Variants in SCAF8 observed in about 807,000 individuals in gnomAD.
The protein encoded by SCAF8 is SR-related and CTD-associated factor 8.
A neutral mutation model predicts 140.5 loss-of-function variants in SCAF8; 23 were observed. The observed-to-expected ratio is 0.16, with a 90% CI of 0.12 to 0.23. The LOEUF (loss-of-function observed/expected upper bound fraction) is 0.23, where lower values mean the gene tolerates loss of function less well. Among genes scored for constraint, SCAF8 ranks in the 10% least tolerant of loss-of-function variants. SCAF8 has a pLI of 1.00. For synonymous variants in SCAF8, 575 were observed against 528.9 expected (o/e 1.09, Z -1.20); for missense variants, 1,397 against 1,555.7 (o/e 0.90, Z 1.72).
chr6:154,739,690 G>GT (rs1232482044), intron 1 of SCAF8, among the ~76,000 whole-genome samples: 8 of 152,262 alleles, frequency 5.3e-5, no homozygotes, highest in African/African-American at 1.9e-4. Context: ...TCTTTAAACT[G>GT]TTCCAGGATG....
At chr6:154,749,431 G>C (rs1194011856) in intron 1 of SCAF8, among the ~76,000 whole-genome samples, 1 of 152,164 alleles carries the variant, frequency 6.6e-6, no homozygotes, top group Admixed American at 6.5e-5. Flanking sequence ...CCATCTGTCA[G>C]CCATTCTGCA....
At chr6:154,791,163 A>G (rs963222150) in intron 4 of SCAF8, among the ~76,000 whole-genome samples, 1 of 152,210 alleles carries the variant, frequency 6.6e-6, no homozygotes, top group African/African-American at 2.4e-5. Flanking sequence ...TCTGCCTATT[A>G]AGTTTGAAGC....
chr6:154,813,405 T>A (rs1778153291), intron 12 of SCAF8, among the ~76,000 whole-genome samples: 1 of 152,096 alleles, frequency 6.6e-6, no homozygotes, highest in Non-Finnish European at 1.5e-5. Context: ...GCCTATAGTT[T>A]CAGCTTTTGT....
At chr6:154,780,530 C>T (rs971031013) in intron 3 of SCAF8, among the ~76,000 whole-genome samples, 3 of 151,892 alleles carry the variant, frequency 2.0e-5, no homozygotes, top group Admixed American at 6.6e-5. Context: ...CCTCGTCCCC[C>T]ACCCCCGACT....
intron 1 of SCAF8, among the ~76,000 whole-genome samples, chr6:154,746,694 TTTTG>T (rs900252193): frequency 5.9e-5 from 9 of 152,218 alleles, no homozygotes; most frequent in African/African-American, 2.2e-4. Flanking sequence ...ATAATTCATT[TTTTG>T]TTTTTGTCTA....
At chr6:154,753,223 T>C (rs1254691811) in intron 1 of SCAF8, among the ~76,000 whole-genome samples, 2 of 152,118 alleles carry the variant, frequency 1.3e-5, no homozygotes, top group Non-Finnish European at 2.9e-5. Flanking sequence ...CCAGCACTTT[T>C]GGGAGGCCAA....
chr6:154,828,484 A>G (rs1231934186), intron 18 of SCAF8, among the ~76,000 whole-genome samples: 1 of 147,438 alleles, frequency 6.8e-6, no homozygotes, highest in Non-Finnish European at 1.5e-5. Flanking sequence ...TTTAGTATTT[A>G]TGGATTAATG....
intron 4 of SCAF8, among the ~76,000 whole-genome samples, chr6:154,790,729 C>T (rs1283862937): frequency 1.3e-5 from 2 of 151,906 alleles, no homozygotes; most frequent in Non-Finnish European, 2.9e-5. Context: ...CCAAGATGGT[C>T]TCGATCTCCT....
rs1778814024 is a variant in SCAF8 at position 154,833,514 on chromosome 6, T to C, written c.*119T>C. On this transcript the variant is annotated 3_prime_UTR_variant, in exon 20 of 20. Coordinates refer to ENST00000367178, the MANE Select transcript of SCAF8 (RefSeq NM_014892.5). ...TGCCAGAATTAAGTTAATCTGATGT[T>C]CATGTTCACCTTTCTCTTAAAATAA... 1 of 912,410 alleles carries C rather than the reference T, an allele frequency of 1.1e-6. No individual in the cohort carries two copies. 56.5% of individuals were successfully genotyped at this position (912,410 alleles called of 1,614,324 possible). A position where few individuals can be genotyped will look rare whatever the true frequency, so the allele number is the denominator to read the frequency against.
At position 154,832,234 on chromosome 6, in the gene SCAF8, A is replaced by T. The variant is rs1364952896; in HGVS notation, c.2655A>T (p.Val885=). The part of the protein sequence containing the change: ...NIPNNSGLVG[V]QPPNVPNTPG... ...CTAACAATTCTGGACTTGTAGGAGTACAGCCACCAAATGTTCCAAATACTC... is the reference window on the plus strand; with the variant it reads ...CTAACAATTCTGGACTTGTAGGAGTTCAGCCACCAAATGTTCCAAATACTC... Residue 885 remains valine, a synonymous_variant, in exon 20 of 20, where the codon GTA becomes GTT. Transcript: ENST00000367178. 7 of 1,614,008 alleles carry T rather than the reference A, an allele frequency of 4.3e-6. No individual in the cohort carries two copies. In the African/African-American group the frequency reaches 9.3e-5, roughly 22 times the overall value.
chr6:154,764,965 A>G (rs1434246224), intron 1 of SCAF8, among the ~76,000 whole-genome samples: 2 of 152,210 alleles, frequency 1.3e-5, no homozygotes, highest in Non-Finnish European at 2.9e-5. Context: ...GGTTACAGCA[A>G]TATTAATAAA....
At position 154,802,128 on chromosome 6, in the gene SCAF8, A is replaced by G. The variant is rs1224948133; in HGVS notation, c.764A>G (p.Gln255Arg). The change falls in exon 7 of 20, where the codon CAG becomes CGG. Residue 255 changes from glutamine to arginine, a missense_variant. Coordinates refer to ENST00000367178, the MANE Select transcript of SCAF8 (RefSeq NM_014892.5). ...AAANTLTPLE[Q>R]GVSFNKKLMD... ...GCCAACACTCTTACTCCCTTAGAAC[A>G]GGGAGTCTCCTTTAACAAGGTAGAA... The G allele has an allele frequency of 6.3e-7, 1 of 1,596,034 alleles. No homozygotes were observed. The highest frequency in any genetic ancestry group is 8.5e-7 in the Non-Finnish European group (1 of 1,173,438).
chr6:154,763,345 A>C (rs1192211432), intron 1 of SCAF8, among the ~76,000 whole-genome samples: 1 of 152,130 alleles, frequency 6.6e-6, no homozygotes, highest in Non-Finnish European at 1.5e-5. Context: ...GATTTGGGGG[A>C]TTCTAATCAG....
At chr6:154,792,525 A>G (rs1167014004) in intron 4 of SCAF8, among the ~76,000 whole-genome samples, 1 of 152,214 alleles carries the variant, frequency 6.6e-6, no homozygotes, top group Non-Finnish European at 1.5e-5. Context: ...ATCTCCAGCC[A>G]GCCTTACCAT....
intron 12 of SCAF8, among the ~76,000 whole-genome samples, chr6:154,811,425 A>G (rs1490269755): frequency 6.8e-6 from 1 of 146,490 alleles, no homozygotes; most frequent in Non-Finnish European, 1.5e-5. Flanking sequence ...TTAATTTTCT[A>G]TTTCATTTTC....
rs568520984 is a variant in SCAF8, at chr6:154,811,983, G to T, written c.1420+1775G>T. On this transcript the variant is annotated intron_variant, in intron 12 of 19. Transcript: ENST00000367178. Reference sequence around the variant, plus strand: ...TTCCAAATCTTTGCTACTGTGAGTAGTGCCGCAGTAAATACGTGTGCTGTT... The same window carrying T: ...TTCCAAATCTTTGCTACTGTGAGTATTGCCGCAGTAAATACGTGTGCTGTT... Among the ~76,000 whole-genome samples the T allele has an allele frequency of 6.4e-4, 97 of 152,228 alleles. 5 individuals carry two copies. The South Asian group carries it at 0.017, about 27-fold the overall frequency.
In SCAF8 at chr6:154,805,510, T is replaced by C; in HGVS notation, c.981+24T>C. On this transcript the variant is annotated intron_variant, in intron 9 of 19. Transcript: ENST00000367178. ...AGGTTTATAACCCCATCTTGTGGTC[T>C]TTAGAGTTATTACTATTTATATTCT... 2.3e-6 allele frequency: 3 copies of C among 1,331,226 alleles called. No homozygotes were observed. The South Asian group carries it at 4.0e-5, about 18-fold the overall frequency. The allele number at this position is 1,331,226 out of a possible 1,614,324, so 82.5% of individuals were successfully genotyped here.
In SCAF8 at chr6:154,832,497, G is replaced by A. The variant is rs770709267; in HGVS notation, c.2918G>A (p.Gly973Glu). 3 of 1,613,776 alleles carry A rather than the reference G, an allele frequency of 1.9e-6. No individual in the cohort carries two copies. Among genetic ancestry groups the A allele is most frequent in the Non-Finnish European group, 2.5e-6 (3 of 1,179,950 alleles). ...CCACCCCGTGGACCTTTTCCTCCAG[G>A]AGATATTTTTAGTCAACCAGAAAGA... Reference protein sequence around the residue: ...HPPPRGPFPPGDIFSQPERPF... With the variant: ...HPPPRGPFPPEDIFSQPERPF... The change falls in exon 20 of 20, where the codon GGA (glycine) becomes GAA (glutamate). Residue 973 changes from glycine to glutamate, a missense_variant. Gly to Glu is a moderately conservative substitution (Grantham distance 98). Around this residue, in one of 5 missense-constraint regions of SCAF8, gnomAD observed 930 missense variants for 874.6 expected, o/e 1.06. Transcript: ENST00000367178.
rs904655057 is a variant in SCAF8, at chr6:154,778,836, T to C, written c.159+791T>C. 9.9e-5 allele frequency among the ~76,000 whole-genome samples: 15 copies of C among 151,250 alleles called. No individual in the cohort carries two copies. In the South Asian group the frequency reaches 1.3e-3, roughly 13 times the overall value. ...AGATAAAACATACTTGGGGATTAAG[T>C]GGTTTAGGTAACTTGAAGCTAAGAT... On this transcript the variant is annotated intron_variant, in intron 3 of 19. Transcript: ENST00000367178.
Sources: allele counts gnomAD v4.1 joint callset (sites outside exome capture counted in the v4.1 genomes callset), GRCh38; gene constraint gnomAD v4.1.1; regional missense constraint gnomAD v4.1.1; transcripts MANE v1.5; gene names NCBI Gene and HGNC (gene_info 2026-07-23, HGNC 2026-07-21).